RBPJ: variants seen among roughly 807,000 people sequenced by gnomAD.
RBPJ encodes recombination signal binding protein for immunoglobulin kappa J region.
A neutral mutation model predicts 67.8 loss-of-function variants in RBPJ; 9 were observed. That is an observed-to-expected ratio of 0.13 (90% CI 0.08 to 0.23). RBPJ has a LOEUF of 0.23. Among genes scored for constraint, RBPJ ranks in the 10% least tolerant of loss-of-function variants. The pLI, the probability that RBPJ is intolerant of heterozygous loss-of-function variation, is 1.00. For missense variants in RBPJ, 305 were observed against 595.6 expected, an observed-to-expected ratio of 0.51 and a Z score of 5.08; for synonymous variants, 198 against 203.3, an observed-to-expected ratio of 0.97 and a Z score of 0.22.
At chr4:26,209,628 T>C (rs1468504654) in intron 1 of RBPJ, among the ~76,000 whole-genome samples, 127 of 105,810 alleles carry the variant, frequency 1.2e-3, no homozygotes, top group African/African-American at 4.1e-3. Flanking sequence ...CCTCCTTCCC[T>C]CTCTCCCTCC....
the RBPJ span, among the ~76,000 whole-genome samples, chr4:26,146,930 T>G: frequency 0.012 from 1,879 of 152,292 alleles, 15 homozygotes; most frequent in Non-Finnish European, 0.02. Flanking sequence ...CAACAGCATG[T>G]GCAAAGGCCC....
chr4:26,218,997 T>A (rs570127365), intron 1 of RBPJ, among the ~76,000 whole-genome samples: 1 of 152,268 alleles, frequency 6.6e-6, no homozygotes, highest in African/African-American at 2.4e-5. Flanking sequence ...CAGCCCCTAG[T>A]CCCCAGCATG....
chr4:26,428,672 T>C (rs1228139505), intron 7 of RBPJ, 48 bp from the exon 8 acceptor site: 1 of 1,467,130 alleles, frequency 6.8e-7, no homozygotes. Flanking sequence ...ACAAGGAAAA[T>C]CCTTTCCATG....
intron 1 of RBPJ, among the ~76,000 whole-genome samples, chr4:26,274,908 GC>G (rs1263322653): frequency 6.6e-6 from 1 of 152,022 alleles, no homozygotes; most frequent in African/African-American, 2.4e-5. Flanking sequence ...CATGATCCTA[GC>G]CTGGGTGACA....
intron 1 of RBPJ, among the ~76,000 whole-genome samples, chr4:26,310,946 A>G (rs1455767538): frequency 6.6e-6 from 1 of 152,222 alleles, no homozygotes; most frequent in Non-Finnish European, 1.5e-5. Flanking sequence ...CTGGGATTAC[A>G]GGCATGAGCC....
intron 1 of RBPJ, among the ~76,000 whole-genome samples, chr4:26,215,980 A>C (rs1028642399): frequency 6.6e-6 from 1 of 152,122 alleles, no homozygotes; most frequent in Non-Finnish European, 1.5e-5. Flanking sequence ...AGTTCTGGAG[A>C]CCAGAAGTCT....
chr4:26,242,186 C>G (rs1163712476), intron 1 of RBPJ, among the ~76,000 whole-genome samples: 4 of 151,820 alleles, frequency 2.6e-5, no homozygotes, highest in East Asian at 1.9e-4. Flanking sequence ...GGTGGCTCAC[C>G]CCTGTAATCC....
the RBPJ span, among the ~76,000 whole-genome samples, chr4:26,106,423 T>A: frequency 6.6e-6 from 1 of 152,242 alleles, no homozygotes; most frequent in Admixed American, 6.5e-5. Flanking sequence ...CCATCTATTT[T>A]ACAAGTGTGG....
chr4:26,381,863 T>A (rs1730365017), intron 1 of RBPJ, among the ~76,000 whole-genome samples: 2 of 152,214 alleles, frequency 1.3e-5, no homozygotes, highest in Non-Finnish European at 2.9e-5. Flanking sequence ...TACATTTAAT[T>A]AAAACTAGAT....
rs142218037 is a variant in RBPJ, at chr4:26,379,022, C to T, written c.21-7331C>T. 9.9e-3 allele frequency among the ~76,000 whole-genome samples: 1,505 copies of T among 151,958 alleles called. 21 individuals carry two copies. Among genetic ancestry groups the T allele is most frequent in the African/African-American group, 0.035 (1,435 of 41,420 alleles). The stretch of plus-strand genomic sequence containing the variant: ...GCATGGGCGACGGAGTGAGACTCTC[C>T]GTCTCAATAAAATAAATAAATAAAA... On this transcript the variant is annotated intron_variant, in intron 1 of 10. Transcript: ENST00000355476.
intron 1 of RBPJ, among the ~76,000 whole-genome samples, chr4:26,177,778 A>G (rs1273188221): frequency 6.6e-6 from 1 of 152,224 alleles, no homozygotes; most frequent in Non-Finnish European, 1.5e-5. Flanking sequence ...AAATGCTGAA[A>G]AGTAAAAAGA....
intron 1 of RBPJ, among the ~76,000 whole-genome samples, chr4:26,246,346 T>A (rs1253455349): frequency 6.6e-6 from 1 of 152,248 alleles, no homozygotes; most frequent in Non-Finnish European, 1.5e-5. Context: ...ATTGTCTTTT[T>A]AAATTTCATT....
chr4:26,295,271 GGT>G (rs943314056), intron 1 of RBPJ, among the ~76,000 whole-genome samples: 1 of 117,914 alleles, frequency 8.5e-6, no homozygotes, highest in Admixed American at 7.6e-5. Flanking sequence ...TGTGTGTGTG[GGT>G]GTGTGTGTGT....
chr4:26,392,705 C>CA (rs1359813316), intron 2 of RBPJ, among the ~76,000 whole-genome samples: 1 of 152,144 alleles, frequency 6.6e-6, no homozygotes, highest in Non-Finnish European at 1.5e-5. Context: ...AAAGGAAACT[C>CA]ACAATTGTGA....
At chr4:26,331,867 G>A (rs1487985263) in intron 1 of RBPJ, among the ~76,000 whole-genome samples, 6 of 152,184 alleles carry the variant, frequency 3.9e-5, no homozygotes, top group Non-Finnish European at 5.9e-5. Context: ...GAAGATGGAA[G>A]GACAGAGGAG....
chr4:26,331,674 G>GA (rs1410898974), intron 1 of RBPJ, among the ~76,000 whole-genome samples: 1 of 152,126 alleles, frequency 6.6e-6, no homozygotes, highest in African/African-American at 2.4e-5. Flanking sequence ...GCCTCTTCAG[G>GA]AACATAGTTG....
intron 1 of RBPJ, among the ~76,000 whole-genome samples, chr4:26,260,140 A>AT (rs1165875651): frequency 6.6e-6 from 1 of 152,192 alleles, no homozygotes; most frequent in Non-Finnish European, 1.5e-5. Flanking sequence ...CATAATATAC[A>AT]TTTTCATAGT....
At chr4:26,394,322 C>T (rs1731879064) in intron 2 of RBPJ, among the ~76,000 whole-genome samples, 2 of 152,170 alleles carry the variant, frequency 1.3e-5, no homozygotes, top group Non-Finnish European at 2.9e-5. Flanking sequence ...CCACCACGCC[C>T]AGCCTGGATT....
upstream of RBPJ, among the ~76,000 whole-genome samples, chr4:26,317,634 A>C (rs768083152): frequency 6.6e-6 from 1 of 152,322 alleles, no homozygotes; most frequent in Non-Finnish European, 1.5e-5. Context: ...GTGGGAAATA[A>C]GATGGGTTAG....
Sources: allele counts gnomAD v4.1 joint callset (sites outside exome capture counted in the v4.1 genomes callset), GRCh38; gene constraint gnomAD v4.1.1; transcripts MANE v1.5; gene names NCBI Gene and HGNC (gene_info 2026-07-23, HGNC 2026-07-21).